NXN: variants seen among roughly 807,000 people sequenced by gnomAD.
The protein encoded by NXN is nucleoredoxin, also known as nucleoredoxin 1.
NXN carries 16 observed loss-of-function variants against 48.6 expected under a neutral mutation model. That is an observed-to-expected ratio of 0.33 (90% CI 0.22 to 0.50). The LOEUF is 0.50. NXN is among the 20% of genes least tolerant of loss of function. The probability of loss-of-function intolerance (pLI) is 0.98; values close to 1 mark genes in which losing one functional copy is unlikely to be tolerated. For missense variants in NXN, 492 were observed against 605.5 expected (o/e 0.81, Z 1.97); for synonymous variants, 281 against 269.6 (o/e 1.04, Z -0.41).
At chr17:938,201 G>A (rs1391910888) in intron 1 of NXN, among the ~76,000 whole-genome samples, 1 of 152,256 alleles carries the variant, frequency 6.6e-6, no homozygotes. Flanking sequence ...GGCCGGAGAG[G>A]AACAAGCTTT....
At chr17:975,738 C>T (rs1026094718) in intron 1 of NXN, among the ~76,000 whole-genome samples, 1 of 152,204 alleles carries the variant, frequency 6.6e-6, no homozygotes, top group African/African-American at 2.4e-5. Flanking sequence ...TTGAGCTCTG[C>T]GACTTTAACA....
chr17:876,230 A>AAGG, intron 1 of NXN, among the ~76,000 whole-genome samples: 1 of 151,254 alleles, frequency 6.6e-6, no homozygotes, highest in South Asian at 2.1e-4. Flanking sequence ...GAAAGAAAGA[A>AAGG]AGAAAGGAGA....
intron 1 of NXN, among the ~76,000 whole-genome samples, chr17:950,577 G>T (rs1597269148): frequency 6.6e-6 from 1 of 151,946 alleles, no homozygotes; most frequent in East Asian, 1.9e-4. Context: ...GGTGGGTGGG[G>T]TGCAAACGGC....
At chr17:949,893 G>C (rs60036443) in intron 1 of NXN, among the ~76,000 whole-genome samples, 11,545 of 151,386 alleles carry the variant, frequency 0.076, 629 homozygotes, top group East Asian at 0.25. Flanking sequence ...CATCTGCCTG[G>C]GCACCTTCTG....
At chr17:878,650 G>A (rs373431092) in intron 1 of NXN, among the ~76,000 whole-genome samples, 32 of 152,196 alleles carry the variant, frequency 2.1e-4, no homozygotes, top group Non-Finnish European at 4.1e-4. Context: ...TGGGAGCTGT[G>A]TAGACAGGGT....
chr17:962,027 C>T (rs1381766344), intron 1 of NXN, among the ~76,000 whole-genome samples: 1 of 151,998 alleles, frequency 6.6e-6, no homozygotes, highest in African/African-American at 2.4e-5. Flanking sequence ...CCCAGCTACT[C>T]AGGAGGCTGA....
intron 5 of NXN, among the ~76,000 whole-genome samples, chr17:815,328 G>A (rs75836041): frequency 4.0e-5 from 6 of 148,634 alleles, no homozygotes; most frequent in Admixed American, 1.4e-4. Flanking sequence ...TGATGAGGGC[G>A]AGTGTCCACT....
intron 5 of NXN, among the ~76,000 whole-genome samples, chr17:807,875 G>A (rs533718342): frequency 8.5e-5 from 13 of 152,364 alleles, no homozygotes; most frequent in Non-Finnish European, 1.3e-4. Context: ...TTCTGCGGCC[G>A]TCTGCCCTGT....
At chr17:838,246 C>T (rs772769301) in intron 1 of NXN, among the ~76,000 whole-genome samples, 2 of 149,456 alleles carry the variant, frequency 1.3e-5, no homozygotes, top group Non-Finnish European at 3.0e-5. Context: ...ATTCTTCTGC[C>T]TCCGCCTCCC....
intron 1 of NXN, among the ~76,000 whole-genome samples, chr17:841,245 G>A (rs1914159245): frequency 1.3e-5 from 2 of 152,336 alleles, no homozygotes; most frequent in South Asian, 4.1e-4. Context: ...GAAAGTCCAT[G>A]CCAGGGCAAC....
At chr17:948,075 A>G (rs908610208) in intron 1 of NXN, among the ~76,000 whole-genome samples, 1 of 152,072 alleles carries the variant, frequency 6.6e-6, no homozygotes, top group Non-Finnish European at 1.5e-5. Context: ...AAAAATCAGT[A>G]AAAAGAATTT....
rs79369595 is a variant in NXN, at chr17:826,281, G to A, written c.361-203C>T. Among the ~76,000 whole-genome samples, 131 of 151,906 alleles carry A rather than the reference G, an allele frequency of 8.6e-4. 3 individuals are homozygous for A. In the East Asian group the frequency reaches 0.024, roughly 28 times the overall value. On this transcript the variant is annotated intron_variant, in intron 1 of 7. Transcript: ENST00000336868. ...TGCCCCCCGGGGTCTGTGACAGTGC[G>A]GGGGGCTCCGAGGAGGGAGGTGATG...
rs1448962232 is a variant in NXN, at chr17:979,769, G to A, written c.-91C>T. Reference sequence around the variant, plus strand: ...GCGGCGGCGTCGGCGGCAGGCGCTGGGGAGAGCAGAGCCCGGCCCAGTAGG... The same window carrying A: ...GCGGCGGCGTCGGCGGCAGGCGCTGAGGAGAGCAGAGCCCGGCCCAGTAGG... On this transcript the variant is annotated 5_prime_UTR_variant, in exon 1 of 8. Coordinates refer to ENST00000336868, the MANE Select transcript of NXN (RefSeq NM_022463.5). The A allele has an allele frequency of 2.0e-5, 22 of 1,113,580 alleles. No homozygotes were observed. Among genetic ancestry groups the A allele is most frequent in the Non-Finnish European group, 2.3e-5 (20 of 878,512 alleles). 69.0% of individuals were successfully genotyped at this position (1,113,580 alleles called of 1,614,324 possible).
rs556892290 is a variant in NXN, at chr17:892,474, C to A, written c.361-66396G>T. On this transcript the variant is annotated intron_variant, in intron 1 of 7. Coordinates refer to ENST00000336868, the MANE Select transcript of NXN (RefSeq NM_022463.5). The stretch of plus-strand genomic sequence containing the variant: ...CTGGTGCCTCTCTTCTGCCCCCGCA[C>A]AGCCAGGCCACCCCTCATCCAAACA... Among the ~76,000 whole-genome samples, 4 of 152,308 alleles carry A rather than the reference C, an allele frequency of 2.6e-5. No homozygotes were observed. The East Asian group carries it at 7.7e-4, about 29-fold the overall frequency.
At chr17:804,241 G>T (rs935773301) in intron 6 of NXN, among the ~76,000 whole-genome samples, 1 of 151,830 alleles carries the variant, frequency 6.6e-6, no homozygotes, top group East Asian at 1.9e-4. Context: ...GGTGGTGAGC[G>T]GGAGGGGGTG....
chr17:841,812 C>G (rs1914339924), intron 1 of NXN, among the ~76,000 whole-genome samples: 4 of 152,000 alleles, frequency 2.6e-5, no homozygotes, highest in Admixed American at 2.0e-4. Flanking sequence ...AGCAATCCTT[C>G]TGATTAAACC....
chr17:917,318 T>G lies in NXN; in HGVS notation c.360+62001A>C, dbSNP rs1409648661. ...CACCATGCCCAGCTAATTTTTTGTA[T>G]TTTTAGTAGAGACGGGGTTTCACCA... On this transcript the variant is annotated intron_variant, in intron 1 of 7. Coordinates refer to ENST00000336868, the MANE Select transcript of NXN (RefSeq NM_022463.5). The surrounding 1 kb of genome is among the most constrained non-coding windows in gnomAD (Gnocchi z 4.5). Among the ~76,000 whole-genome samples, 1 of 152,244 alleles carries G rather than the reference T, an allele frequency of 6.6e-6. No homozygotes were observed. Among genetic ancestry groups the G allele is most frequent in the African/African-American group, 2.4e-5 (1 of 41,470 alleles).
intron 1 of NXN, among the ~76,000 whole-genome samples, chr17:864,503 C>T (rs1225287823): frequency 6.6e-6 from 1 of 152,220 alleles, no homozygotes; most frequent in Non-Finnish European, 1.5e-5. Flanking sequence ...GTGGGCTCTG[C>T]CCGTTCAAAC....
At chr17:843,014 A>AAGAAAGAG (rs1567829025) in intron 1 of NXN, among the ~76,000 whole-genome samples, 1 of 83,938 alleles carries the variant, frequency 1.2e-5, no homozygotes, top group Non-Finnish European at 2.6e-5. Context: ...GAGAGAAAGA[A>AAGAAAGAG]AGAAAGAAAG....
Sources: gnomAD v4.1 joint callset for allele counts (sites outside exome capture counted in the v4.1 genomes callset) on GRCh38, gnomAD v4.1.1 for gene constraint, Gnocchi (gnomAD v3.1) non-coding constraint, MANE v1.5 for transcripts, NCBI Gene and HGNC (gene_info 2026-07-23, HGNC 2026-07-21) for gene names.